The following AUTS2 variants were observed in gnomAD, a reference collection of about 807,000 sequenced individuals.
AUTS2 encodes activator of transcription and developmental regulator AUTS2.
AUTS2 carries 17 observed loss-of-function variants against 112.4 expected under a neutral mutation model. The observed-to-expected ratio is 0.15, with a 90% confidence interval of 0.10 to 0.23. The LOEUF is 0.23. Ranked by LOEUF, AUTS2 falls within the 10% of genes least tolerant of loss-of-function variation. The probability of loss-of-function intolerance (pLI) is 1.00; values close to 1 mark genes in which losing one functional copy is unlikely to be tolerated. For missense variants in AUTS2, 1,510 were observed against 1,701.6 expected (o/e 0.89, Z 1.98); for synonymous variants, 751 against 702.7 (o/e 1.07, Z -1.09).
At chr7:70,647,297 G>A (rs1377653476) in intron 5 of AUTS2, among the ~76,000 whole-genome samples, 7 of 152,240 alleles carry the variant, frequency 4.6e-5, no homozygotes, top group African/African-American at 1.7e-4. Context: ...AACGCTGGAC[G>A]GCTCTGGGGG....
intron 4 of AUTS2, among the ~76,000 whole-genome samples, chr7:70,430,194 G>A (rs1246488749): frequency 6.6e-6 from 1 of 152,160 alleles, no homozygotes; most frequent in Non-Finnish European, 1.5e-5. Context: ...CAAGGATAAG[G>A]CTCTTCACTT....
intron 2 of AUTS2, among the ~76,000 whole-genome samples, chr7:70,059,513 T>A (rs888018984): frequency 3.3e-5 from 5 of 152,212 alleles, no homozygotes; most frequent in Non-Finnish European, 7.3e-5. Flanking sequence ...TTACTTTTTT[T>A]AAATTTCAGA....
At chr7:70,013,317 A>G (rs1207539979) in intron 2 of AUTS2, among the ~76,000 whole-genome samples, 1 of 152,182 alleles carries the variant, frequency 6.6e-6, no homozygotes, top group Non-Finnish European at 1.5e-5. Flanking sequence ...TGAAATTTAC[A>G]TCTTATTAAA....
intron 1 of AUTS2, among the ~76,000 whole-genome samples, chr7:69,815,570 A>G (rs1278074452): frequency 1.3e-5 from 2 of 152,024 alleles, no homozygotes; most frequent in Admixed American, 1.3e-4. Flanking sequence ...ACTGGAGTGC[A>G]GTGGCATGAT....
chr7:70,182,660 C>T (rs1809379561), intron 4 of AUTS2, among the ~76,000 whole-genome samples: 1 of 152,060 alleles, frequency 6.6e-6, no homozygotes. Context: ...TCAAATGTTT[C>T]TGACTCTCAA....
chr7:70,237,580 A>T (rs1325755192), intron 4 of AUTS2, among the ~76,000 whole-genome samples: 1 of 152,186 alleles, frequency 6.6e-6, no homozygotes, highest in Non-Finnish European at 1.5e-5. Flanking sequence ...ACCAAATCTC[A>T]GGCTTATCCT....
At chr7:70,393,852 C>G (rs1793972749) in intron 4 of AUTS2, among the ~76,000 whole-genome samples, 1 of 152,150 alleles carries the variant, frequency 6.6e-6, no homozygotes, top group Non-Finnish European at 1.5e-5. Context: ...TCCTTGCACT[C>G]AGGCTGTCTT....
chr7:70,760,181 G>GT (rs1169343996), intron 6 of AUTS2, among the ~76,000 whole-genome samples: 1 of 151,888 alleles, frequency 6.6e-6, no homozygotes, highest in African/African-American at 2.4e-5. Flanking sequence ...AATTTTTTGT[G>GT]TTTTTAGTAG....
intron 1 of AUTS2, among the ~76,000 whole-genome samples, chr7:69,812,307 A>G (rs1790578264): frequency 6.6e-6 from 1 of 152,208 alleles, no homozygotes; most frequent in South Asian, 2.1e-4. Context: ...AAAACAAGTG[A>G]TACTATGTTT....
At chr7:69,618,805 T>C (rs1352250470) in intron 1 of AUTS2, among the ~76,000 whole-genome samples, 3 of 152,118 alleles carry the variant, frequency 2.0e-5, no homozygotes, top group African/African-American at 7.2e-5. Flanking sequence ...TTTCTTAAAA[T>C]TGTAGGTTAT....
chr7:69,848,541 A>C (rs2129529480), intron 1 of AUTS2, among the ~76,000 whole-genome samples: 1 of 152,270 alleles, frequency 6.6e-6, no homozygotes, highest in Admixed American at 6.5e-5. Flanking sequence ...ATGCCCTCCC[A>C]GGTACAGTAG....
At chr7:69,885,026 G>T (rs117708444) in intron 1 of AUTS2, among the ~76,000 whole-genome samples, 2,179 of 152,266 alleles carry the variant, frequency 0.014, 22 homozygotes, top group Middle Eastern at 0.037. Flanking sequence ...TGAAATAGAA[G>T]ACTGGGGGTG....
chr7:70,223,167 G>A (rs1258209639), intron 4 of AUTS2, among the ~76,000 whole-genome samples: 1 of 152,142 alleles, frequency 6.6e-6, no homozygotes, highest in Non-Finnish European at 1.5e-5. Flanking sequence ...GATTACAGGT[G>A]TGAGCCACTG....
In AUTS2 at chr7:70,262,249, G is replaced by A. The variant is rs979657263; in HGVS notation, c.660+127678G>A. On this transcript the variant is annotated intron_variant, in intron 4 of 18. Coordinates refer to ENST00000342771, the MANE Select transcript of AUTS2 (RefSeq NM_015570.4). ...CTGTCACCCAGGCTGGAGTGCAGTG[G>A]TGCGATCTTGGCTCACTGCAACCTC... Among the ~76,000 whole-genome samples the A allele has an allele frequency of 3.9e-5, 6 of 152,204 alleles. No individual in the cohort carries two copies. The East Asian group carries it at 9.7e-4, about 24-fold the overall frequency.
At chr7:70,717,408 C>T (rs1358009135) in intron 6 of AUTS2, among the ~76,000 whole-genome samples, 1 of 152,076 alleles carries the variant, frequency 6.6e-6, no homozygotes. Flanking sequence ...GTCTGGAACT[C>T]CTGGCCTCAG....
At position 69,614,370 on chromosome 7, in the gene AUTS2, T is replaced by TCTTTCTTTCTTTTCTTTC. The variant is rs1322536871; in HGVS notation, c.309+14408_309+14409insCTTTCTTTCTTTTCTTTC. 4.6e-4 allele frequency among the ~76,000 whole-genome samples: 13 copies of TCTTTCTTTCTTTTCTTTC among 28,550 alleles called. 2 individuals are homozygous for TCTTTCTTTCTTTTCTTTC. Among genetic ancestry groups the TCTTTCTTTCTTTTCTTTC allele is most frequent in the Non-Finnish European group, 7.4e-4 (8 of 10,860 alleles). 18.7% of individuals were successfully genotyped at this position (28,550 alleles called of 152,430 possible). On this transcript the variant is annotated intron_variant, in intron 1 of 18. Transcript: ENST00000342771. ...TTTCTTTCTTTCTTTCTTTCTTTTTTTAAGAGATGGGATCTCACTCTGTTT... is the reference window on the plus strand; with the variant it reads ...TTTCTTTCTTTCTTTCTTTCTTTTTTCTTTCTTTCTTTTCTTTCTAAGAGATGGGATCTCACTCTGTTT...
intron 2 of AUTS2, among the ~76,000 whole-genome samples, chr7:69,995,613 G>T (rs1156643549): frequency 6.6e-6 from 1 of 152,136 alleles, no homozygotes; most frequent in African/African-American, 2.4e-5. Flanking sequence ...TATCCCAGCA[G>T]CAGGATTCTC....
intron 2 of AUTS2, among the ~76,000 whole-genome samples, chr7:70,012,350 G>A (rs962857614): frequency 6.6e-6 from 1 of 152,078 alleles, no homozygotes; most frequent in Admixed American, 6.5e-5. Context: ...TCTGTAAGAG[G>A]CCCCCTTGGT....
At chr7:69,843,915 T>C (rs1463374103) in intron 1 of AUTS2, among the ~76,000 whole-genome samples, 1 of 152,242 alleles carries the variant, frequency 6.6e-6, no homozygotes, top group Non-Finnish European at 1.5e-5. Context: ...ATCTTCTTTT[T>C]ACTTGAGCGC....
Sources: gnomAD v4.1 joint callset for allele counts (sites outside exome capture counted in the v4.1 genomes callset) on GRCh38, gnomAD v4.1.1 for gene constraint, MANE v1.5 for transcripts, NCBI Gene and HGNC (gene_info 2026-07-23, HGNC 2026-07-21) for gene names.